Variants in PATJ observed in about 807,000 individuals in gnomAD.
The protein encoded by PATJ is inaD-like protein.
PATJ carries 190 observed loss-of-function variants against 224.9 expected under a neutral mutation model. The ratio of observed to expected loss-of-function variants is 0.84; its 90% confidence interval spans 0.75 to 0.95. The LOEUF is 0.95. Among genes scored for constraint, PATJ ranks in the 40% least tolerant of loss-of-function variants. PATJ has a pLI of 0.00. For missense variants in PATJ, 2,121 were observed against 2,270.3 expected, an observed-to-expected ratio of 0.93 and a Z score of 1.34; for synonymous variants, 769 against 820.3, an observed-to-expected ratio of 0.94 and a Z score of 1.07.
chr1:62,104,375 C>T (rs199837165), intron 33 of PATJ, among the ~76,000 whole-genome samples: 5 of 152,130 alleles, frequency 3.3e-5, no homozygotes, highest in African/African-American at 1.2e-4. Context: ...CTGTTCCACT[C>T]TCTGAATTGC....
intron 43 of PATJ, among the ~76,000 whole-genome samples, chr1:62,154,654 A>AAT (rs1668988424): frequency 6.6e-6 from 1 of 151,312 alleles, no homozygotes; most frequent in South Asian, 2.1e-4. Flanking sequence ...CATCTCAAAA[A>AAT]AAAAAAAAAG....
intron 27 of PATJ, among the ~76,000 whole-genome samples, chr1:61,982,923 A>C (rs1015404714): frequency 6.6e-6 from 1 of 151,918 alleles, no homozygotes; most frequent in Non-Finnish European, 1.5e-5. Flanking sequence ...AAAAATCACA[A>C]TTACTTTTGT....
intron 33 of PATJ, among the ~76,000 whole-genome samples, chr1:62,094,718 G>T (rs1360360043): frequency 6.6e-6 from 1 of 152,066 alleles, no homozygotes; most frequent in Non-Finnish European, 1.5e-5. Flanking sequence ...GTTATCTATA[G>T]TTTATTAGCT....
At chr1:61,969,038 T>C (rs1682571986) in intron 27 of PATJ, among the ~76,000 whole-genome samples, 1 of 152,236 alleles carries the variant, frequency 6.6e-6, no homozygotes. Context: ...TTCATTCATG[T>C]TGTAGTATGT....
Position 62,070,755 on chromosome 1 carries a change from A to G in PATJ, c.4126-8695A>G, listed in dbSNP as rs79813317. On this transcript the variant is annotated intron_variant, in intron 31 of 43. Transcript: ENST00000642238. ...AAGGGGAAAATTAAAGAGAATCTGA[A>G]TGAGTGAGATAAGTCTGGCCCCCCA... Among the ~76,000 whole-genome samples, 163 of 152,242 alleles carry G rather than the reference A, an allele frequency of 1.1e-3. 8 individuals carry two copies. In the East Asian group the frequency reaches 0.028, roughly 27 times the overall value.
intron 1 of PATJ, among the ~76,000 whole-genome samples, chr1:61,760,011 C>T (rs1047140621): frequency 6.6e-6 from 1 of 152,072 alleles, no homozygotes; most frequent in African/African-American, 2.4e-5. Context: ...TTGCATTCTT[C>T]GATTTAGAGA....
chr1:61,934,847 G>T (rs754188320), intron 27 of PATJ, among the ~76,000 whole-genome samples: 2 of 152,180 alleles, frequency 1.3e-5, no homozygotes, highest in Non-Finnish European at 2.9e-5. Context: ...TGATGAAAAT[G>T]CAGGTTTGCT....
intron 5 of PATJ, among the ~76,000 whole-genome samples, chr1:61,769,924 C>T (rs1646505879): frequency 6.6e-6 from 1 of 151,998 alleles, no homozygotes; most frequent in East Asian, 1.9e-4. Context: ...TTAAGAGGCC[C>T]CTCAAGTCTA....
chr1:62,123,766 C>T (rs1395018540), intron 39 of PATJ, among the ~76,000 whole-genome samples: 2 of 130,516 alleles, frequency 1.5e-5, no homozygotes, highest in Non-Finnish European at 3.1e-5. Flanking sequence ...CGTGAGGCAC[C>T]GTGCCCGGCC....
chr1:61,915,695 C>CTT (rs1283007359), intron 26 of PATJ, among the ~76,000 whole-genome samples: 1 of 142,314 alleles, frequency 7.0e-6, no homozygotes, highest in African/African-American at 2.6e-5. Context: ...TCTTTTCTTT[C>CTT]TTTTTTTTTT....
At chr1:62,091,776 C>T (rs941241764) in intron 33 of PATJ, among the ~76,000 whole-genome samples, 1 of 151,990 alleles carries the variant, frequency 6.6e-6, no homozygotes, top group African/African-American at 2.4e-5. Flanking sequence ...ATAAAATAGG[C>T]TGGACAGGGT....
rs1414078450 is a variant in PATJ at position 61,762,785 on chromosome 1, C to G, written c.-35-73C>G. ...GATAAAGAATGTTCTTGAGGTTTTC[C>G]TTAATTTTTCTACAGGATTGTAGCC... On this transcript the variant is annotated intron_variant, in intron 1 of 43. Coordinates refer to ENST00000642238, the MANE Select transcript of PATJ (RefSeq NM_001350145.3). 4 of 651,288 alleles carry G rather than the reference C, an allele frequency of 6.1e-6. No homozygotes were observed. In the African/African-American group the frequency reaches 7.5e-5, roughly 12 times the overall value. The allele number at this position is 651,288 out of a possible 1,614,324, so 40.3% of individuals were successfully genotyped here.
At chr1:62,069,817 G>C (rs1330174528) in intron 31 of PATJ, among the ~76,000 whole-genome samples, 5 of 152,154 alleles carry the variant, frequency 3.3e-5, no homozygotes, top group Non-Finnish European at 5.9e-5. Context: ...CATGTAGTAG[G>C]TGCTCAGTAA....
At chr1:61,920,999 C>T (rs1180243673) in intron 26 of PATJ, among the ~76,000 whole-genome samples, 1 of 152,156 alleles carries the variant, frequency 6.6e-6, no homozygotes, top group African/African-American at 2.4e-5. Context: ...AACCACCGCA[C>T]CTGGCCTCTT....
chr1:61,767,967 G>A (rs1021854646), intron 4 of PATJ, among the ~76,000 whole-genome samples: 1 of 151,688 alleles, frequency 6.6e-6, no homozygotes, highest in East Asian at 1.9e-4. Context: ...CATTGCGCCG[G>A]GCCAGTTCTA....
At chr1:62,088,781 A>G (rs1331357422) in intron 33 of PATJ, among the ~76,000 whole-genome samples, 1 of 150,044 alleles carries the variant, frequency 6.7e-6, no homozygotes, top group Non-Finnish European at 1.5e-5. Flanking sequence ...AGGATCAGAT[A>G]TCTTATAAAC....
chr1:62,008,331 C>T (rs1028676282), intron 28 of PATJ, among the ~76,000 whole-genome samples: 4 of 152,160 alleles, frequency 2.6e-5, no homozygotes, highest in African/African-American at 9.7e-5. Flanking sequence ...CCCCCTAGAT[C>T]TCTACTACAT....
At chr1:61,946,262 A>C (rs1261409524) in intron 27 of PATJ, among the ~76,000 whole-genome samples, 1 of 152,182 alleles carries the variant, frequency 6.6e-6, no homozygotes, top group Non-Finnish European at 1.5e-5. Context: ...CCTTCAAAAA[A>C]TCAGTGAATC....
chr1:61,763,941 A>G (rs1165267849), intron 3 of PATJ, among the ~76,000 whole-genome samples: 1 of 151,866 alleles, frequency 6.6e-6, no homozygotes, highest in African/African-American at 2.4e-5. Flanking sequence ...TATAGGCATG[A>G]GCCACCTTGC....
Sources: gnomAD v4.1 joint callset for allele counts (sites outside exome capture counted in the v4.1 genomes callset) on GRCh38, gnomAD v4.1.1 for gene constraint, MANE v1.5 for transcripts, NCBI Gene and HGNC (gene_info 2026-07-23, HGNC 2026-07-21) for gene names.